The following BTBD16 variants were observed in gnomAD, a reference collection of about 807,000 sequenced individuals.
BTBD16 encodes BTB/POZ domain-containing protein 16.
Under a neutral mutation model 67.4 loss-of-function variants are expected in BTBD16, and 66 were observed. The observed-to-expected ratio is 0.98, with a 90% CI of 0.80 to 1.20. The LOEUF is 1.20. Ranked by LOEUF, BTBD16 falls within the 50% of genes most tolerant of loss-of-function variation. The pLI is 0.00. For synonymous variants in BTBD16, 242 were observed against 236.4 expected (o/e 1.02, Z -0.22); for missense variants, 634 against 616.0 (o/e 1.03, Z -0.31).
At chr10:122,332,632 G>A in intron 13 of BTBD16, 119 bp downstream of exon 13, 1 of 1,140,166 alleles carries the variant, frequency 8.8e-7, no homozygotes, top group Non-Finnish European at 1.2e-6. Flanking sequence ...GGGTCCAGAA[G>A]AGAGAACCAC....
chr10:122,336,087 C>A (rs1275436199), intron 14 of BTBD16, among the ~76,000 whole-genome samples: 1 of 152,170 alleles, frequency 6.6e-6, no homozygotes, highest in Non-Finnish European at 1.5e-5. Flanking sequence ...CAAGTCATTT[C>A]TCTTCCATGG....
Position 122,332,451 on chromosome 10 carries a change from G to T in BTBD16, c.1102G>T (p.Asp368Tyr). 1 of 1,613,904 alleles carries T rather than the reference G, an allele frequency of 6.2e-7. No homozygotes were observed. Among genetic ancestry groups the T allele is most frequent in the East Asian group, 2.2e-5 (1 of 44,848 alleles). Residue 368 changes from aspartate to tyrosine, a missense_variant, in exon 13 of 16, where the codon GAC becomes TAC. By Grantham distance (160) the Asp-to-Tyr change is radical. Transcript: ENST00000260723. ...TTCCTTTCAGCTGGAGAATGGGGGC[G>T]ACATGGTCCACCTGAAAGATCTTAA... ...NHYHALENGG[D>Y]MVHLKDLNTQ...
chr10:122,309,822 A>G (rs1160532036), intron 10 of BTBD16, among the ~76,000 whole-genome samples: 34 of 144,374 alleles, frequency 2.4e-4, no homozygotes, highest in African/African-American at 8.4e-4. Context: ...CCCAGGCTGG[A>G]GTGCAATGGC....
intron 4 of BTBD16, among the ~76,000 whole-genome samples, chr10:122,285,528 G>T (rs919536316): frequency 2.6e-5 from 4 of 152,152 alleles, no homozygotes; most frequent in Non-Finnish European, 4.4e-5. Context: ...ACAGGGAACT[G>T]GGGGGTGATT....
rs1319109964 is a variant in BTBD16 at position 122,311,298 on chromosome 10, G to A, written c.911+3990G>A. On this transcript the variant is annotated intron_variant, in intron 10 of 15. Transcript: ENST00000260723. ...ATGTAAGAAGGAAACAAACACGCAC[G>A]GTCGTGTGTGGCTTGCAAACACATA... Among the ~76,000 whole-genome samples the A allele has an allele frequency of 5.9e-5, 9 of 152,072 alleles. No individual in the cohort carries two copies. The South Asian group carries it at 8.3e-4, about 14-fold the overall frequency.
At chr10:122,333,351 A>G (rs2096458122) in intron 13 of BTBD16, among the ~76,000 whole-genome samples, 1 of 152,096 alleles carries the variant, frequency 6.6e-6, no homozygotes, top group Non-Finnish European at 1.5e-5. Context: ...AGGTCTATAG[A>G]CCACAGGTCA....
At chr10:122,275,175 C>A in intron 2 of BTBD16, 76 bp downstream of exon 2, 1 of 1,454,382 alleles carries the variant, frequency 6.9e-7, no homozygotes, top group Non-Finnish European at 9.7e-7. Context: ...CAAATTTCCA[C>A]AAGGGGCTGG....
intron 13 of BTBD16, 121 bp downstream of exon 13, chr10:122,332,634 G>C: frequency 8.9e-7 from 1 of 1,119,310 alleles, no homozygotes; most frequent in Non-Finnish European, 1.3e-6. Flanking sequence ...GTCCAGAAGA[G>C]AGAACCACAG....
chr10:122,332,542 A>C (rs971147197), intron 13 of BTBD16, 29 bp downstream of exon 13: 11 of 1,596,640 alleles, frequency 6.9e-6, no homozygotes, highest in Non-Finnish European at 9.4e-6. Flanking sequence ...GAACAAGGGG[A>C]AGAACTGTTC....
At chr10:122,327,574 G>A in intron 10 of BTBD16, 3 of 985,354 alleles carry the variant, frequency 3.0e-6, no homozygotes, top group Non-Finnish European at 3.6e-6. Context: ...CCTGCCTCGG[G>A]GGTCCCAGCT....
chr10:122,337,078 C>A (rs1013553846), intron 15 of BTBD16, among the ~76,000 whole-genome samples: 2 of 152,228 alleles, frequency 1.3e-5, no homozygotes, highest in African/African-American at 4.8e-5. Context: ...CTCAGGCCCA[C>A]TGGGGAAGGG....
chr10:122,276,183 A>AAGCAGGTTAGTGGTTGTCCCGGGC (rs2096340131), intron 2 of BTBD16, among the ~76,000 whole-genome samples: 1 of 152,216 alleles, frequency 6.6e-6, no homozygotes, highest in Non-Finnish European at 1.5e-5. Context: ...TAATCTGAGA[A>AAGCAGGTTAGTGGTTGTCCCGGGC]AGCAGGTTAG....
chr10:122,321,805 T>C (rs2096435903), intron 10 of BTBD16, among the ~76,000 whole-genome samples: 4 of 152,218 alleles, frequency 2.6e-5, no homozygotes, highest in South Asian at 4.1e-4. Flanking sequence ...ATAGTTTCTT[T>C]TGCTGGGCAG....
At position 122,283,900 on chromosome 10, in the gene BTBD16, A is replaced by G. The variant is rs747985779; in HGVS notation, c.217A>G (p.Lys73Glu). Residue 73 changes from lysine (K) to glutamate (E), a missense_variant, in exon 4 of 16, where the codon AAG becomes GAG. Coordinates refer to ENST00000260723, the MANE Select transcript of BTBD16 (RefSeq NM_144587.5). ...QKFFFENFKN[K>E]DIQSGEADVI... ...GTTTTTCTTTGAGAATTTCAAGAAC[A>G]AGGACATCCAAAGTGGGGAAGCAGG... 1 of 1,614,078 alleles carries G rather than the reference A, an allele frequency of 6.2e-7. No individual in the cohort carries two copies. The highest frequency in any genetic ancestry group is 1.1e-5 in the South Asian group (1 of 91,076).
At chr10:122,316,443 T>C (rs544194092) in intron 10 of BTBD16, among the ~76,000 whole-genome samples, 68 of 152,326 alleles carry the variant, frequency 4.5e-4, no homozygotes, top group Non-Finnish European at 8.7e-4. Context: ...TTCTGAGACA[T>C]GCATTGTTAG....
rs570486069 is a variant in BTBD16, at chr10:122,314,464, G to A, written c.911+7156G>A. On this transcript the variant is annotated intron_variant, in intron 10 of 15. Transcript: ENST00000260723. ...GGCTGCAGTAAGCTGTGATTGTGCC[G>A]ATGCACTCCAGCCTAGATGGCAAAG... Among the ~76,000 whole-genome samples, 143 of 152,118 alleles carry A rather than the reference G, an allele frequency of 9.4e-4. 1 individual carries two copies. The highest frequency in any genetic ancestry group is 1.1e-3 in the Non-Finnish European group (78 of 68,004).
rs551652336 is a variant in BTBD16 at position 122,281,806 on chromosome 10, C to T, written c.168-2045C>T. Among the ~76,000 whole-genome samples, 5 of 152,326 alleles carry T rather than the reference C, an allele frequency of 3.3e-5. No individual in the cohort carries two copies. The South Asian group carries it at 1.0e-3, about 32-fold the overall frequency. ...CATTTTGCCCTTTGGATAGTTTGCT[C>T]CAGGAAGTCCGTATGTCCATGAGAA... On this transcript the variant is annotated intron_variant, in intron 3 of 15. Coordinates refer to ENST00000260723, the MANE Select transcript of BTBD16 (RefSeq NM_144587.5).
intron 11 of BTBD16, among the ~76,000 whole-genome samples, chr10:122,330,141 T>G (rs1035511337): frequency 6.6e-6 from 1 of 152,106 alleles, no homozygotes; most frequent in Non-Finnish European, 1.5e-5. Flanking sequence ...CAGGACTGGT[T>G]GATGGGGCCA....
chr10:122,298,290 A>G (rs1272115284), intron 8 of BTBD16, among the ~76,000 whole-genome samples: 1 of 152,194 alleles, frequency 6.6e-6, no homozygotes, highest in Non-Finnish European at 1.5e-5. Flanking sequence ...AGGCCTCCTG[A>G]CTTCAGCTCT....
Sources: gnomAD v4.1 joint callset for allele counts (sites outside exome capture counted in the v4.1 genomes callset) on GRCh38, gnomAD v4.1.1 for gene constraint, MANE v1.5 for transcripts, NCBI Gene and HGNC (gene_info 2026-07-23, HGNC 2026-07-21) for gene names.